The following SCOC variants were observed in gnomAD, a reference collection of about 807,000 sequenced individuals.
SCOC encodes short coiled-coil protein, also known as short coiled coil protein.
Under a neutral mutation model 9.9 loss-of-function variants are expected in SCOC, and 7 were observed. The ratio of observed to expected loss-of-function variants is 0.71; its 90% confidence interval spans 0.40 to 1.33. The LOEUF (loss-of-function observed/expected upper bound fraction) is 1.33. Ranked by LOEUF, SCOC falls within the 40% of genes most tolerant of loss-of-function variation. The pLI, the probability that SCOC is intolerant of heterozygous loss-of-function variation, is 0.01. For missense variants in SCOC, 66 were observed against 89.7 expected (o/e 0.74, Z 1.07); for synonymous variants, 19 against 28.2 (o/e 0.67, Z 1.03).
chr4:140,300,285 C>G (rs191586893), intron 1 of SCOC, among the ~76,000 whole-genome samples: 279 of 152,282 alleles, frequency 1.8e-3, no homozygotes, highest in African/African-American at 6.5e-3. Flanking sequence ...CTCTGGCCTC[C>G]CTCACTTCCT....
intron 2 of SCOC, among the ~76,000 whole-genome samples, chr4:140,352,089 G>A (rs1033544458): frequency 6.6e-6 from 1 of 152,192 alleles, no homozygotes; most frequent in Non-Finnish European, 1.5e-5. Context: ...AGTGGCGAGC[G>A]CTGGCTGAGC....
At chr4:140,282,240 C>T (rs1731117278) in intron 1 of SCOC, among the ~76,000 whole-genome samples, 1 of 152,180 alleles carries the variant, frequency 6.6e-6, no homozygotes, top group Non-Finnish European at 1.5e-5. Flanking sequence ...AATTCATCCT[C>T]CTGCAGGTCC....
chr4:140,282,553 G>A (rs1325446941), intron 1 of SCOC, among the ~76,000 whole-genome samples: 1 of 151,884 alleles, frequency 6.6e-6, no homozygotes, highest in East Asian at 1.9e-4. Flanking sequence ...TATTCCTATT[G>A]TTTTATTAGA....
chr4:140,288,557 CAT>C (rs1731371200), intron 1 of SCOC, among the ~76,000 whole-genome samples: 1 of 151,904 alleles, frequency 6.6e-6, no homozygotes, highest in African/African-American at 2.4e-5. Context: ...GTACCACAAA[CAT>C]ATATACACAT....
chr4:140,294,538 T>C (rs570034204), intron 1 of SCOC, among the ~76,000 whole-genome samples: 13 of 152,312 alleles, frequency 8.5e-5, no homozygotes, highest in Non-Finnish European at 7.4e-5. Context: ...ACCAACCAAC[T>C]AAATTCTCCT....
chr4:140,299,035 C>T (rs950067564), intron 1 of SCOC, among the ~76,000 whole-genome samples: 1 of 152,124 alleles, frequency 6.6e-6, no homozygotes, highest in African/African-American at 2.4e-5. Context: ...CCAGGCTGGT[C>T]TCAAACTCCT....
chr4:140,373,491 A>T, upstream of SCOC: 1 of 1,551,508 alleles, frequency 6.4e-7, no homozygotes, highest in South Asian at 1.2e-5. Context: ...GCAAAGGTGG[A>T]TCCCGGTGCT....
chr4:140,293,055 G>A (rs550151867), intron 1 of SCOC, among the ~76,000 whole-genome samples: 1 of 152,150 alleles, frequency 6.6e-6, no homozygotes, highest in Non-Finnish European at 1.5e-5. Context: ...GGTTTCTCAC[G>A]ATTCCCCTGT....
chr4:140,301,723 G>A (rs565410718), intron 1 of SCOC, among the ~76,000 whole-genome samples: 2 of 152,354 alleles, frequency 1.3e-5, no homozygotes, highest in African/African-American at 4.8e-5. Flanking sequence ...GAACGTGCAT[G>A]TACTCAAAGT....
intron 1 of SCOC, among the ~76,000 whole-genome samples, chr4:140,287,112 TAC>T (rs1731297301): frequency 6.6e-6 from 1 of 151,146 alleles, no homozygotes; most frequent in Non-Finnish European, 1.5e-5. Flanking sequence ...CACACATATG[TAC>T]ACACATGCTA....
intron 1 of SCOC, among the ~76,000 whole-genome samples, chr4:140,279,739 CAAAG>C (rs1731058583): frequency 6.6e-6 from 1 of 152,164 alleles, no homozygotes; most frequent in Non-Finnish European, 1.5e-5. Flanking sequence ...GGTGCTGTAA[CAAAG>C]AGACCTAAAA....
chr4:140,303,292 AT>A (rs746586774), intron 1 of SCOC, among the ~76,000 whole-genome samples: 19 of 152,216 alleles, frequency 1.2e-4, no homozygotes, highest in Non-Finnish European at 2.5e-4. Flanking sequence ...GCATGTATGA[AT>A]GTTACCCATG....
intron 1 of SCOC, among the ~76,000 whole-genome samples, chr4:140,261,836 A>T (rs2126387961): frequency 6.6e-6 from 1 of 152,240 alleles, no homozygotes. Context: ...TCCGGTGAAG[A>T]TGACCAGCAA....
At position 140,381,185 on chromosome 4, in the gene SCOC, T is replaced by A; in HGVS notation, c.*81T>A. 1 of 1,355,340 alleles carries A rather than the reference T, an allele frequency of 7.4e-7. No homozygotes were observed. The highest frequency in any genetic ancestry group is 1.0e-6 in the Non-Finnish European group (1 of 994,078). The allele number at this position is 1,355,340 out of a possible 1,614,324, so 84.0% of individuals were successfully genotyped here. A position where few individuals can be genotyped will look rare whatever the true frequency, so the allele number is the denominator to read the frequency against. On this transcript the variant is annotated 3_prime_UTR_variant, in exon 4 of 4. Coordinates refer to ENST00000608372, the MANE Select transcript of SCOC (RefSeq NM_001153484.2). ...CTTGGATAGATTCCAAAAGTTACAG[T>A]ACCTTTGTGGCTTCATTGAATATTT... is the stretch of plus-strand genomic sequence containing the variant.
chr4:140,303,709 T>G (rs1734582577), intron 1 of SCOC, among the ~76,000 whole-genome samples: 1 of 152,226 alleles, frequency 6.6e-6, no homozygotes, highest in African/African-American at 2.4e-5. Flanking sequence ...TGGGAACTCT[T>G]ACTTCCTTTG....
At chr4:140,261,636 T>C (rs1246233636) in intron 1 of SCOC, among the ~76,000 whole-genome samples, 1 of 152,254 alleles carries the variant, frequency 6.6e-6, no homozygotes, top group Non-Finnish European at 1.5e-5. Flanking sequence ...ACACAGATTC[T>C]ACTCTTAAGG....
chr4:140,274,148 T>G (rs1052936333), intron 1 of SCOC, among the ~76,000 whole-genome samples: 1 of 152,262 alleles, frequency 6.6e-6, no homozygotes, highest in Admixed American at 6.5e-5. Context: ...CCTGTCTTTG[T>G]AAATAGATGA....
rs60752527 is a variant in SCOC, at chr4:140,355,211, T to TATA, written c.70+11503_70+11504insATA. On this transcript the variant is annotated intron_variant, in intron 2 of 4. Transcript: ENST00000338517. ...ACTTCTCAGCCTATACATTATATTT[T>TATA]TATATATATATATATATATATATAT... Among the ~76,000 whole-genome samples, 55 of 61,396 alleles carry TATA rather than the reference T, an allele frequency of 9.0e-4. 1 individual carries two copies. The highest frequency in any genetic ancestry group is 1.6e-3 in the Non-Finnish European group (40 of 24,390). 40.3% of individuals were successfully genotyped at this position (61,396 alleles called of 152,430 possible). A position where few individuals can be genotyped will look rare whatever the true frequency, so the allele number is the denominator to read the frequency against.
intron 2 of SCOC, among the ~76,000 whole-genome samples, chr4:140,348,575 T>TACACACACAC (rs146966355): frequency 0.79 from 119,183 of 151,018 alleles, 47,300 homozygotes; most frequent in Non-Finnish European, 0.85. Context: ...TGTATATATA[T>TACACACACAC]ACGCACACAC....
Sources: allele counts gnomAD v4.1 joint callset (sites outside exome capture counted in the v4.1 genomes callset), GRCh38; gene constraint gnomAD v4.1.1; transcripts MANE v1.5; gene names NCBI Gene and HGNC (gene_info 2026-07-23, HGNC 2026-07-21).